NRIP3: variants seen among roughly 807,000 people sequenced by gnomAD.
The protein encoded by NRIP3 is nuclear receptor-interacting protein 3.
In NRIP3, 31 loss-of-function variants were observed where a neutral mutation model predicts 29.0. The ratio of observed to expected loss-of-function variants is 1.07; its 90% CI spans 0.80 to 1.44. The LOEUF is 1.44. Ranked by LOEUF, NRIP3 falls within the 40% of genes most tolerant of loss-of-function variation. The pLI is 0.00. For missense variants in NRIP3, 314 were observed against 297.9 expected, an observed-to-expected ratio of 1.05 and a Z score of -0.40; for synonymous variants, 131 against 118.3, an observed-to-expected ratio of 1.11 and a Z score of -0.70.
intron 1 of NRIP3, among the ~76,000 whole-genome samples, chr11:8,993,347 AAAAG>A (rs1269212370): frequency 6.6e-6 from 1 of 152,350 alleles, no homozygotes; most frequent in East Asian, 1.9e-4. Context: ...TTTTTATGAG[AAAAG>A]AAATAGTACA....
chr11:8,993,456 A>G (rs1854644382), intron 1 of NRIP3, among the ~76,000 whole-genome samples: 1 of 152,212 alleles, frequency 6.6e-6, no homozygotes, highest in African/African-American at 2.4e-5. Context: ...GAATGTTAGT[A>G]TAATAGAAGA....
At position 9,003,951 on chromosome 11, in the gene NRIP3, G is replaced by C. The variant is rs1442227047; in HGVS notation, c.-16C>G. ...AGTAAAACATCGCTGAGGCGCCGGC[G>C]GCCCGGTAGCCCACAGCCCCCCGGC... On this transcript the variant is annotated 5_prime_UTR_variant, in exon 1 of 7. Transcript: ENST00000309166. 2 of 1,479,102 alleles carry C rather than the reference G, an allele frequency of 1.4e-6. No homozygotes were observed. Among genetic ancestry groups the C allele is most frequent in the Non-Finnish European group, 1.8e-6 (2 of 1,110,674 alleles). 91.6% of individuals were successfully genotyped at this position (1,479,102 alleles called of 1,614,324 possible).
intron 1 of NRIP3, among the ~76,000 whole-genome samples, chr11:9,003,516 C>T (rs1263552299): frequency 3.9e-5 from 6 of 152,198 alleles, no homozygotes; most frequent in Non-Finnish European, 2.9e-5. Context: ...CTTCTTTCTA[C>T]TGGAGAAGAG....
chr11:8,988,570 T>C (rs548139963), intron 1 of NRIP3, among the ~76,000 whole-genome samples: 1 of 152,328 alleles, frequency 6.6e-6, no homozygotes, highest in East Asian at 1.9e-4. Flanking sequence ...AGAACCCTTG[T>C]GATTTGGACT....
chr11:8,981,855 G>A lies in NRIP3; in HGVS notation c.*1690C>T, dbSNP rs1854421372. 1 of 152,320 alleles carries A rather than the reference G, an allele frequency of 6.6e-6. No homozygotes were observed. The highest frequency in any genetic ancestry group is 3.4e-3 in the Middle Eastern group (1 of 294). 9.4% of individuals were successfully genotyped at this position (152,320 alleles called of 1,614,324 possible). A position where few individuals can be genotyped will look rare whatever the true frequency, so the allele number is the denominator to read the frequency against. On this transcript the variant is annotated 3_prime_UTR_variant, in exon 7 of 7. Coordinates refer to ENST00000309166, the MANE Select transcript of NRIP3 (RefSeq NM_020645.3). ...CCTAGGGAATGACCCCATGACAACT[G>A]ACTGCAGTATGGCTGCCTAGTTGTT... is the stretch of plus-strand genomic sequence containing the variant.
Position 8,984,248 on chromosome 11 carries a change from GTTATTTT to G in NRIP3, c.563-131_563-125del, listed in dbSNP as rs1457184660. 1.1e-5 allele frequency: 7 copies of G among 621,646 alleles called. No homozygotes were observed. The Admixed American group carries it at 1.7e-4, about 15-fold the overall frequency. 38.5% of individuals were successfully genotyped at this position (621,646 alleles called of 1,614,324 possible). ...TCCAATAAACATATATTGAGCATGT[GTTATTTT>G]TTTTTTATTTTTTTTTTATTTTTTG... On this transcript the variant is annotated intron_variant, in intron 4 of 6. Transcript: ENST00000309166.
chr11:9,003,483 G>A (rs192522105), intron 1 of NRIP3, among the ~76,000 whole-genome samples: 4 of 152,346 alleles, frequency 2.6e-5, no homozygotes, highest in African/African-American at 9.6e-5. Context: ...AAGACCCGAG[G>A]GCAAGAGGGC....
In NRIP3 at chr11:8,993,148, G is replaced by T. The variant is rs561464877; in HGVS notation, c.175-4866C>A. Among the ~76,000 whole-genome samples, 188 of 152,272 alleles carry T rather than the reference G, an allele frequency of 1.2e-3. 2 individuals carry two copies. Among genetic ancestry groups the T allele is most frequent in the African/African-American group, 3.0e-3 (126 of 41,558 alleles). ...GTTGAAGGAAAAGTCCAGGATACAG[G>T]TTGCCTACAGGCCTTAAAAGCAGCC... On this transcript the variant is annotated intron_variant, in intron 1 of 6. Transcript: ENST00000309166.
At chr11:9,004,122 C>T (rs1463692488), upstream of NRIP3, 4 of 418,116 alleles carry the variant, frequency 9.6e-6, no homozygotes, top group Non-Finnish European at 1.6e-5. Flanking sequence ...CCCTCGCGTC[C>T]CGCGTCCCGC....
At position 9,003,807 on chromosome 11, in the gene NRIP3, C is replaced by T; in HGVS notation, c.129G>A (p.Leu43=). The T allele has an allele frequency of 6.6e-7, 1 of 1,509,104 alleles. No individual in the cohort carries two copies. The highest frequency in any genetic ancestry group is 8.9e-7 in the Non-Finnish European group (1 of 1,127,446). 93.5% of individuals were successfully genotyped at this position (1,509,104 alleles called of 1,614,324 possible). The stretch of plus-strand genomic sequence containing the variant: ...GCTTCTTGAGGCCGTCCAGGGGCAG[C>T]AGGTCGGCGGAGTCCTTGTGGATGA... ...VQFIHKDSAD[L]LPLDGLKKLG... is the part of the protein sequence containing the mutation. The change falls in exon 1 of 7, where the codon CTG becomes CTA. Residue 43 remains leucine (L), a synonymous_variant. Transcript: ENST00000309166.
chr11:8,988,927 C>T (rs1980429), intron 1 of NRIP3, among the ~76,000 whole-genome samples: 7 of 151,992 alleles, frequency 4.6e-5, no homozygotes, highest in African/African-American at 1.5e-4. Context: ...GAAACCTGAG[C>T]GAACACACAA....
At chr11:8,984,498 G>C (rs555423172) in intron 4 of NRIP3, among the ~76,000 whole-genome samples, 6 of 152,208 alleles carry the variant, frequency 3.9e-5, no homozygotes, top group Non-Finnish European at 7.4e-5. Flanking sequence ...CCTGACCTCA[G>C]GAGATCCACC....
Position 8,987,545 on chromosome 11 carries a change from T to TA in NRIP3, c.422+2dup. On this transcript the variant is annotated splice_region_variant and intron_variant, in intron 3 of 6. Coordinates refer to ENST00000309166, the MANE Select transcript of NRIP3 (RefSeq NM_020645.3). The stretch of plus-strand genomic sequence containing the variant: ...GTTCCACTCAGCACAAGTGCCTACT[T>TA]ACCCCAATCTGTCCACACAGGCCAA... 6.2e-7 allele frequency: 1 copy of TA among 1,610,894 alleles called. No individual in the cohort carries two copies. Among genetic ancestry groups the TA allele is most frequent in the Non-Finnish European group, 8.5e-7 (1 of 1,177,084 alleles).
At position 8,981,576 on chromosome 11, in the gene NRIP3, G is replaced by A. The variant is rs1028802609; in HGVS notation, c.*1969C>T. On this transcript the variant is annotated 3_prime_UTR_variant, in exon 7 of 7. Coordinates refer to ENST00000309166, the MANE Select transcript of NRIP3 (RefSeq NM_020645.3). ...TTTCAAGTAGGGAAGTAAAGGGTGA[G>A]CTTTACTTCAACTTAGTACCAGGAT... 1 of 152,128 alleles carries A rather than the reference G, an allele frequency of 6.6e-6. No homozygotes were observed. Among genetic ancestry groups the A allele is most frequent in the Non-Finnish European group, 1.5e-5 (1 of 68,090 alleles). The allele number at this position is 152,128 out of a possible 1,614,324, so 9.4% of individuals were successfully genotyped here. A position where few individuals can be genotyped will look rare whatever the true frequency, so the allele number is the denominator to read the frequency against.
intron 1 of NRIP3, among the ~76,000 whole-genome samples, chr11:8,994,054 T>C (rs1379368942): frequency 6.6e-6 from 1 of 152,144 alleles, no homozygotes; most frequent in African/African-American, 2.4e-5. Flanking sequence ...GAGATTTATT[T>C]TTCTCACATA....
At chr11:8,999,551 G>GA (rs1854762356) in intron 1 of NRIP3, among the ~76,000 whole-genome samples, 1 of 152,096 alleles carries the variant, frequency 6.6e-6, no homozygotes, top group African/African-American at 2.4e-5. Flanking sequence ...GGTATGCGCT[G>GA]AAAAGAGTGG....
At chr11:8,986,345 G>T (rs1854522899) in intron 3 of NRIP3, among the ~76,000 whole-genome samples, 1 of 152,126 alleles carries the variant, frequency 6.6e-6, no homozygotes, top group Non-Finnish European at 1.5e-5. Flanking sequence ...TACTTATTTG[G>T]TAAGTGCACT....
upstream of NRIP3, chr11:9,004,028 T>G: frequency 8.0e-7 from 1 of 1,249,206 alleles, no homozygotes; most frequent in Non-Finnish European, 1.0e-6. Context: ...GCCGCGCCTT[T>G]TATAGCCGAG....
Position 8,985,702 on chromosome 11 carries a change from T to TAGGTCCCCAG in NRIP3, c.562+8_562+9insCTGGGGACCT. 6.2e-7 allele frequency: 1 copy of TAGGTCCCCAG among 1,613,288 alleles called. No homozygotes were observed. Among genetic ancestry groups the TAGGTCCCCAG allele is most frequent in the South Asian group, 1.1e-5 (1 of 91,014 alleles). On this transcript the variant is annotated intron_variant, in intron 4 of 6. Transcript: ENST00000309166. ...AGGGTCCATAGGTCCAGCCCTCAATTCTGCTTACCAACCACAGCTGCTGGG... is the reference window on the plus strand; with the variant it reads ...AGGGTCCATAGGTCCAGCCCTCAATTAGGTCCCCAGCTGCTTACCAACCACAGCTGCTGGG...
Sources: gnomAD v4.1 joint callset for allele counts (sites outside exome capture counted in the v4.1 genomes callset) on GRCh38, gnomAD v4.1.1 for gene constraint, MANE v1.5 for transcripts, NCBI Gene and HGNC (gene_info 2026-07-23, HGNC 2026-07-21) for gene names.